Variants in GLB1 observed in about 807,000 individuals in gnomAD.
GLB1 encodes beta-galactosidase.
In GLB1, 56 loss-of-function variants were observed where a neutral mutation model predicts 74.0. The ratio of observed to expected loss-of-function variants is 0.76; its 90% CI spans 0.61 to 0.94. The LOEUF (loss-of-function observed/expected upper bound fraction) is 0.94, where lower values mean the gene tolerates loss of function less well. Ranked by LOEUF, GLB1 falls within the 40% of genes least tolerant of loss-of-function variation. The pLI is 0.00. For synonymous variants in GLB1, 323 were observed against 323.6 expected, an observed-to-expected ratio of 1.00 and a Z score of 0.02; for missense variants, 787 against 845.5, an observed-to-expected ratio of 0.93 and a Z score of 0.86.
In GLB1 at chr3:33,024,117, G is replaced by A. The variant is rs1172338733; in HGVS notation, c.1143+134C>T. 3 of 1,004,156 alleles carry A rather than the reference G, an allele frequency of 3.0e-6. No individual in the cohort carries two copies. In the African/African-American group the frequency reaches 4.8e-5, roughly 16 times the overall value. The allele number at this position is 1,004,156 out of a possible 1,614,324, so 62.2% of individuals were successfully genotyped here. A position where few individuals can be genotyped will look rare whatever the true frequency, so the allele number is the denominator to read the frequency against. ...CCAGAAACATCATTTACCCCATTAG[G>A]CTTGCAGAAAACAAATTCGCAGAAA... On this transcript the variant is annotated intron_variant, in intron 11 of 15. Coordinates refer to ENST00000307363, the MANE Select transcript of GLB1 (RefSeq NM_000404.4).
intron 10 of GLB1, among the ~76,000 whole-genome samples, chr3:33,031,640 A>AT (rs1553608179): frequency 8.4e-5 from 3 of 35,774 alleles, no homozygotes; most frequent in Non-Finnish European, 1.0e-4. Context: ...AAAAAAAAAA[A>AT]ATATATATAT....
intron 1 of GLB1, among the ~76,000 whole-genome samples, chr3:33,082,765 G>A (rs1262292002): frequency 6.6e-6 from 1 of 152,182 alleles, no homozygotes; most frequent in Admixed American, 6.5e-5. Context: ...CCACTGCCCT[G>A]CTGTATCACA....
At chr3:33,050,086 T>A (rs1194818048) in intron 9 of GLB1, among the ~76,000 whole-genome samples, 2 of 152,074 alleles carry the variant, frequency 1.3e-5, no homozygotes, top group East Asian at 3.9e-4. Flanking sequence ...AGGTGGGAAA[T>A]GAAGCTTAGC....
chr3:33,029,877 A>C (rs895826322), intron 10 of GLB1, among the ~76,000 whole-genome samples: 4 of 151,850 alleles, frequency 2.6e-5, no homozygotes, highest in Admixed American at 6.6e-5. Flanking sequence ...TGACAAAATA[A>C]TCTGTATACC....
the GLB1 span, among the ~76,000 whole-genome samples, chr3:32,962,436 C>A: frequency 6.6e-6 from 1 of 152,152 alleles, no homozygotes; most frequent in Admixed American, 6.5e-5. Flanking sequence ...TGGGAACTTT[C>A]TGTGCCATCT....
chr3:32,998,639 A>C (rs1696420826), intron 15 of GLB1, among the ~76,000 whole-genome samples: 1 of 152,176 alleles, frequency 6.6e-6, no homozygotes, highest in Non-Finnish European at 1.5e-5. Context: ...CAAAAGAAAG[A>C]GAAAATCTGG....
At chr3:33,047,096 T>C (rs1407057999) in intron 9 of GLB1, among the ~76,000 whole-genome samples, 1 of 152,222 alleles carries the variant, frequency 6.6e-6, no homozygotes, top group African/African-American at 2.4e-5. Flanking sequence ...TCTCCCTCTC[T>C]ATCCTACAGG....
intron 15 of GLB1, among the ~76,000 whole-genome samples, chr3:33,011,376 C>T (rs947166409): frequency 6.6e-6 from 1 of 150,936 alleles, no homozygotes; most frequent in Admixed American, 6.6e-5. Flanking sequence ...TAGCACTTTT[C>T]GAGACTTCAT....
intron 10 of GLB1, chr3:33,033,941 C>G (rs948304864): frequency 1.8e-6 from 1 of 552,268 alleles, no homozygotes; most frequent in Non-Finnish European, 3.6e-6. Flanking sequence ...CTATGGCACC[C>G]GCCTGGCAAC....
At chr3:33,095,347 C>A (rs1700977249) in intron 1 of GLB1, among the ~76,000 whole-genome samples, 1 of 150,316 alleles carries the variant, frequency 6.7e-6, no homozygotes, top group Non-Finnish European at 1.5e-5. Flanking sequence ...GAAACCCCGT[C>A]TCTACTAAAA....
intron 15 of GLB1, among the ~76,000 whole-genome samples, chr3:33,012,567 G>A (rs1697072089): frequency 6.6e-6 from 1 of 152,174 alleles, no homozygotes; most frequent in Admixed American, 6.5e-5. Context: ...CCAGAACTGT[G>A]AGAAATAAAT....
At chr3:33,051,677 T>C in intron 9 of GLB1, 81 bp downstream of exon 9, 4 of 1,592,934 alleles carry the variant, frequency 2.5e-6, no homozygotes, top group Non-Finnish European at 2.6e-6. Flanking sequence ...AAAATAAAAT[T>C]GTCTGTGGGC....
At chr3:33,006,440 A>AGGGG (rs1696794176) in intron 15 of GLB1, among the ~76,000 whole-genome samples, 1 of 150,262 alleles carries the variant, frequency 6.7e-6, no homozygotes, top group Non-Finnish European at 1.5e-5. Context: ...CTGACCACAC[A>AGGGG]GTCCATGGAA....
At chr3:33,033,813 G>A in intron 10 of GLB1, 1 of 325,934 alleles carries the variant, frequency 3.1e-6, no homozygotes, top group Non-Finnish European at 5.9e-6. Context: ...TAAGGAATGG[G>A]GAGGCACCAC....
intron 10 of GLB1, among the ~76,000 whole-genome samples, chr3:33,032,158 G>A (rs975234350): frequency 2.0e-5 from 3 of 152,028 alleles, no homozygotes; most frequent in Non-Finnish European, 4.4e-5. Context: ...TTAAAGCTTG[G>A]GATCCCCTGG....
chr3:33,053,346 C>G, intron 7 of GLB1, 145 bp downstream of exon 7: 1 of 1,151,072 alleles, frequency 8.7e-7, no homozygotes, highest in South Asian at 1.3e-5. Flanking sequence ...CTGTCATTCA[C>G]ATGTCCAGAA....
intron 1 of GLB1, among the ~76,000 whole-genome samples, chr3:33,088,297 A>C (rs906515257): frequency 3.9e-5 from 6 of 151,998 alleles, no homozygotes. Flanking sequence ...AAAGGCATTC[A>C]AATTAGAAAG....
chr3:33,030,855 G>C (rs1414439756), intron 10 of GLB1: 1 of 981,142 alleles, frequency 1.0e-6, no homozygotes, highest in African/African-American at 1.8e-5. Flanking sequence ...GTCTTAAGTT[G>C]ATTTGACAGC....
chr3:33,085,479 A>G (rs924351554), intron 1 of GLB1, among the ~76,000 whole-genome samples: 2 of 152,078 alleles, frequency 1.3e-5, no homozygotes, highest in East Asian at 3.9e-4. Flanking sequence ...ACTAGTATAC[A>G]CTTATGATTT....
Sources: allele counts gnomAD v4.1 joint callset (sites outside exome capture counted in the v4.1 genomes callset), GRCh38; gene constraint gnomAD v4.1.1; transcripts MANE v1.5; gene names NCBI Gene and HGNC (gene_info 2026-07-23, HGNC 2026-07-21).